The following SCAPER variants were observed in gnomAD, a reference collection of about 807,000 sequenced individuals.
SCAPER encodes the protein S-phase cyclin A associated protein in the ER.
In SCAPER, 98 loss-of-function variants were observed where a neutral mutation model predicts 182.2. The observed-to-expected ratio is 0.54, with a 90% CI of 0.46 to 0.64. SCAPER has a LOEUF of 0.64. SCAPER is among the 30% of genes least tolerant of loss of function. The probability of loss-of-function intolerance (pLI) is 0.00; values close to 1 mark genes in which losing one functional copy is unlikely to be tolerated. For missense variants in SCAPER, 1,432 were observed against 1,690.0 expected (o/e 0.85, Z 2.68); for synonymous variants, 605 against 564.6 (o/e 1.07, Z -1.01).
Position 76,765,474 on chromosome 15 carries a change from A to G in SCAPER, c.1496-20T>C, listed in dbSNP as rs967513587. 1 of 1,611,478 alleles carries G rather than the reference A, an allele frequency of 6.2e-7. No individual in the cohort carries two copies. On this transcript the variant is annotated intron_variant, in intron 12 of 31. Coordinates refer to ENST00000563290, the MANE Select transcript of SCAPER (RefSeq NM_020843.4). ...CACGAGCTGTTCAGAAAAAAATACTATTATTGTTTAGCCACATAGGTCTAT... is the reference window on the plus strand; with the variant it reads ...CACGAGCTGTTCAGAAAAAAATACTGTTATTGTTTAGCCACATAGGTCTAT...
At chr15:76,765,779 T>G in intron 11 of SCAPER, 141 bp from the exon 12 acceptor site, 1 of 677,162 alleles carries the variant, frequency 1.5e-6, no homozygotes, top group Non-Finnish European at 2.5e-6. Context: ...AAAAGGTACC[T>G]ACCAGTACAA....
chr15:76,669,242 A>AAC (rs2056841601), intron 20 of SCAPER, among the ~76,000 whole-genome samples: 1 of 151,452 alleles, frequency 6.6e-6, no homozygotes, highest in African/African-American at 2.4e-5. Flanking sequence ...AACAACAAAA[A>AAC]CCCACAGACA....
At chr15:76,548,461 G>A (rs1320069468) in intron 23 of SCAPER, among the ~76,000 whole-genome samples, 1 of 152,198 alleles carries the variant, frequency 6.6e-6, no homozygotes, top group Non-Finnish European at 1.5e-5. Context: ...GCTATAAATA[G>A]AATGATGTTT....
chr15:76,807,959 CA>C (rs2066296839), intron 5 of SCAPER, among the ~76,000 whole-genome samples: 1 of 152,084 alleles, frequency 6.6e-6, no homozygotes. Flanking sequence ...GGTCCAACTT[CA>C]CAAATAGCGT....
chr15:76,799,092 T>G (rs937381288), intron 7 of SCAPER, among the ~76,000 whole-genome samples: 1 of 152,202 alleles, frequency 6.6e-6, no homozygotes, highest in Non-Finnish European at 1.5e-5. Flanking sequence ...GTTGAGCTTG[T>G]AATATATAAA....
At chr15:76,844,590 T>G (rs1221355760) in intron 4 of SCAPER, among the ~76,000 whole-genome samples, 1 of 152,122 alleles carries the variant, frequency 6.6e-6, no homozygotes, top group East Asian at 1.9e-4. Flanking sequence ...TGAGAAACTA[T>G]ATGCTAATAA....
intron 22 of SCAPER, among the ~76,000 whole-genome samples, chr15:76,612,379 G>C (rs1567598702): frequency 6.6e-6 from 1 of 152,128 alleles, no homozygotes; most frequent in Non-Finnish European, 1.5e-5. Context: ...CTGAACTACA[G>C]GTGAAAGCCA....
intron 5 of SCAPER, among the ~76,000 whole-genome samples, chr15:76,839,132 A>C (rs939070786): frequency 1.3e-5 from 2 of 152,232 alleles, no homozygotes; most frequent in African/African-American, 4.8e-5. Flanking sequence ...TTTTGATTAC[A>C]AAGTTAGCAT....
intron 27 of SCAPER, 63 bp from the exon 28 acceptor site, chr15:76,381,678 G>C: frequency 7.8e-7 from 1 of 1,289,548 alleles, no homozygotes. Flanking sequence ...AATTTGTATA[G>C]GTTAAATGAA....
At chr15:76,543,182 T>C (rs1012121808) in intron 23 of SCAPER, among the ~76,000 whole-genome samples, 1 of 152,174 alleles carries the variant, frequency 6.6e-6, no homozygotes, top group Non-Finnish European at 1.5e-5. Context: ...AGGTGTAATA[T>C]GTTACTGCAT....
In SCAPER at chr15:76,556,337, A is replaced by C. The variant is rs564774650; in HGVS notation, c.2838+17821T>G. On this transcript the variant is annotated intron_variant, in intron 23 of 31. Coordinates refer to ENST00000563290, the MANE Select transcript of SCAPER (RefSeq NM_020843.4). ...AGAATGAACTAGAAAAACAAGAGCA[A>C]ATCAACCCAAAAGCTAGGAGAAAAC... 3.1e-4 allele frequency among the ~76,000 whole-genome samples: 47 copies of C among 152,304 alleles called. 1 individual carries two copies. In the South Asian group the frequency reaches 9.7e-3, roughly 32 times the overall value.
At chr15:76,792,054 T>C (rs545072497) in intron 8 of SCAPER, among the ~76,000 whole-genome samples, 21 of 151,400 alleles carry the variant, frequency 1.4e-4, no homozygotes, top group Middle Eastern at 3.4e-3. Context: ...AACCAATAAT[T>C]TTAGCTGGAG....
chr15:76,577,592 C>T (rs1056657388), intron 22 of SCAPER, among the ~76,000 whole-genome samples: 1 of 151,866 alleles, frequency 6.6e-6, no homozygotes, highest in African/African-American at 2.4e-5. Context: ...TTAGACATAT[C>T]CTGGGCAAAA....
chr15:76,644,593 A>C (rs989953022), intron 21 of SCAPER, among the ~76,000 whole-genome samples: 4 of 144,914 alleles, frequency 2.8e-5, no homozygotes, highest in African/African-American at 7.5e-5. Context: ...CCATAAAAAC[A>C]AAAAAAAAAA....
chr15:76,624,169 C>T (rs534934820), intron 21 of SCAPER, among the ~76,000 whole-genome samples: 2 of 152,282 alleles, frequency 1.3e-5, no homozygotes, highest in South Asian at 2.1e-4. Context: ...CAAAAGGCTC[C>T]TAGAACCGAT....
chr15:76,808,930 C>A (rs188935742), intron 5 of SCAPER, among the ~76,000 whole-genome samples: 2 of 152,308 alleles, frequency 1.3e-5, no homozygotes, highest in Admixed American at 1.3e-4. Flanking sequence ...TAGCTTCTCC[C>A]TGAGAAATAA....
intron 5 of SCAPER, among the ~76,000 whole-genome samples, chr15:76,834,675 A>G (rs765834963): frequency 2.9e-4 from 44 of 151,960 alleles, no homozygotes; most frequent in South Asian, 2.1e-4. Flanking sequence ...ATTAATAAAG[A>G]AAAAAAGATT....
At chr15:76,706,521 T>A (rs1411460589) in intron 17 of SCAPER, among the ~76,000 whole-genome samples, 1 of 151,796 alleles carries the variant, frequency 6.6e-6, no homozygotes, top group Non-Finnish European at 1.5e-5. Context: ...GAGATAAAGG[T>A]TGAGGATAAA....
At chr15:76,741,085 C>G in intron 15 of SCAPER, among the ~76,000 whole-genome samples, 1 of 152,016 alleles carries the variant, frequency 6.6e-6, no homozygotes, top group East Asian at 1.9e-4. Flanking sequence ...TCAAGAATTT[C>G]CTCAATTTCA....
Sources: allele counts gnomAD v4.1 joint callset (sites outside exome capture counted in the v4.1 genomes callset), GRCh38; gene constraint gnomAD v4.1.1; transcripts MANE v1.5; gene names NCBI Gene and HGNC (gene_info 2026-07-23, HGNC 2026-07-21).